FES: variants seen among roughly 807,000 people sequenced by gnomAD.
FES encodes the protein FES proto-oncogene, tyrosine kinase, also known as tyrosine-protein kinase Fes/Fps.
FES carries 83 observed loss-of-function variants against 109.6 expected under a neutral mutation model. The observed-to-expected ratio is 0.76, with a 90% CI of 0.63 to 0.91. The LOEUF is 0.91. Ranked by LOEUF, FES falls within the 40% of genes least tolerant of loss-of-function variation. The probability of loss-of-function intolerance (pLI) is 0.00; values close to 1 mark genes in which losing one functional copy is unlikely to be tolerated. For synonymous variants in FES, 458 were observed against 442.1 expected, an observed-to-expected ratio of 1.04 and a Z score of -0.45; for missense variants, 943 against 1,070.9, an observed-to-expected ratio of 0.88 and a Z score of 1.67.
chr15:90,890,635 C>T, intron 10 of FES, 151 bp downstream of exon 10: 1 of 693,590 alleles, frequency 1.4e-6, no homozygotes, highest in African/African-American at 1.8e-5. Context: ...CAGACCCTGC[C>T]CCTGTGACCC....
In FES at chr15:90,893,747, T is replaced by C. The variant is rs2033454862; in HGVS notation, c.2139T>C (p.Tyr713=). Residue 713 remains tyrosine (Y), a synonymous_variant, in exon 17 of 19, where the codon TAT becomes TAC. Coordinates refer to ENST00000328850, the MANE Select transcript of FES (RefSeq NM_002005.4). ...CCCGAGAGGAAGCCGATGGGGTCTA[T>C]GCAGCCTCAGGGGGCCTCAGACAAG... ...GMSREEADGV[Y]AASGGLRQVP... is the part of the protein sequence containing the mutation. 6.2e-7 allele frequency: 1 copy of C among 1,611,158 alleles called. No homozygotes were observed. The highest frequency in any genetic ancestry group is 2.2e-5 in the East Asian group (1 of 44,826).
intron 8 of FES, 54 bp from the exon 9 acceptor site, chr15:90,890,038 G>T: frequency 1.3e-6 from 2 of 1,580,776 alleles, no homozygotes; most frequent in Admixed American, 3.4e-5. Flanking sequence ...CTGGCTACCC[G>T]CCGCAGACCG....
chr15:90,891,383 C>T (rs1255320887), intron 11 of FES, 171 bp from the exon 12 acceptor site: 5 of 1,080,584 alleles, frequency 4.6e-6, no homozygotes, highest in Middle Eastern at 2.8e-4. Context: ...TGAGTCCTCC[C>T]CTGGTGGGGC....
At chr15:90,888,777 T>C (rs148025038) in intron 5 of FES, among the ~76,000 whole-genome samples, 1,728 of 151,176 alleles carry the variant, frequency 0.011, 39 homozygotes, top group African/African-American at 0.04. Flanking sequence ...TATTTATTTA[T>C]TTATTTATTT....
rs772157497 is a variant in FES, at chr15:90,890,242, G to C, written c.1200G>C (p.Leu400=). The C allele has an allele frequency of 3.8e-6, 6 of 1,596,876 alleles. No individual in the cohort carries two copies. In the South Asian group the frequency reaches 6.6e-5, roughly 18 times the overall value. ...GCCCCGGCGAGCCCCCGCCTGTGCT[G>C]CTCCTGCAGGATGACCGCCACTCCA... ...HLGPGEPPPV[L]LLQDDRHSTS... The change falls in exon 9 of 19, where the codon CTG becomes CTC. Residue 400 remains leucine, a synonymous_variant. Transcript: ENST00000328850.
chr15:90,895,600 A>T lies in FES; in HGVS notation c.*42A>T. ...TCAAGCTGGTGGCCTCTGCAGGCCT[A>T]GGTGCAGCTCCTCAGCGGCTCCAGC... On this transcript the variant is annotated 3_prime_UTR_variant, in exon 19 of 19. Coordinates refer to ENST00000328850, the MANE Select transcript of FES (RefSeq NM_002005.4). 6.7e-7 allele frequency: 1 copy of T among 1,490,672 alleles called. No homozygotes were observed. The allele number at this position is 1,490,672 out of a possible 1,614,324, so 92.3% of individuals were successfully genotyped here.
At chr15:90,890,808 C>T (rs772224098) in intron 10 of FES, among the ~76,000 whole-genome samples, 174 bp from the exon 11 acceptor site, 83 of 152,176 alleles carry the variant, frequency 5.5e-4, no homozygotes, top group Non-Finnish European at 9.3e-4. Flanking sequence ...CTCTGCCCAG[C>T]GTGAGCCTGG....
At chr15:90,894,511 G>A (rs551144769) in intron 18 of FES, among the ~76,000 whole-genome samples, 2 of 152,224 alleles carry the variant, frequency 1.3e-5, no homozygotes, top group Admixed American at 1.3e-4. Context: ...CTTGAACCCA[G>A]GAGGCGGAGG....
Position 90,890,979 on chromosome 15 carries a change from C to T in FES, c.1321-3C>T, listed in dbSNP as rs1213054882. The T allele has an allele frequency of 1.9e-6, 3 of 1,578,464 alleles. No homozygotes were observed. Among genetic ancestry groups the T allele is most frequent in the Non-Finnish European group, 1.7e-6 (2 of 1,162,666 alleles). On this transcript the variant is annotated splice_region_variant and splice_polypyrimidine_tract_variant and intron_variant, in intron 10 of 18. Transcript: ENST00000328850. ...GACTCCTCCTCGATCCTCCCTTGCC[C>T]AGCTCCCTCCACCGCTGCAGCTCAT... is the stretch of plus-strand genomic sequence containing the variant.
rs368397874 is a variant in FES at position 90,891,656 on chromosome 15, C to T, written c.1633C>T (p.Leu545=). The T allele has an allele frequency of 6.2e-7, 1 of 1,613,712 alleles. No individual in the cohort carries two copies. The highest frequency in any genetic ancestry group is 8.5e-7 in the Non-Finnish European group (1 of 1,179,970). ...QPLTKKSGVV[L]HRAVPKDKWV... is the part of the protein sequence containing the mutation. ...CCTCACCAAGAAGAGTGGTGTTGTC[C>T]TGCACAGGGCTGTGCCCAAGGTGAG... The change falls in exon 12 of 19, where the codon CTG becomes TTG. Residue 545 remains leucine (L), a synonymous_variant. Coordinates refer to ENST00000328850, the MANE Select transcript of FES (RefSeq NM_002005.4).
Position 90,895,553 on chromosome 15 carries a change from C to T in FES, c.2464C>T (p.Arg822Trp), listed in dbSNP as rs202150302. 3.8e-5 allele frequency: 60 copies of T among 1,577,968 alleles called. No homozygotes were observed. Among genetic ancestry groups the T allele is most frequent in the Middle Eastern group, 1.7e-4 (1 of 5,834 alleles). Reference protein sequence around the residue: ...QELQSIRKRHR With the variant: ...QELQSIRKRHW ...GCTGCAGAGCATCCGAAAGCGGCAT[C>T]GGTGAGGCTGGGACCCCCTTCTCAA... Residue 822 changes from arginine to tryptophan, a missense_variant, in exon 19 of 19, where the codon CGG becomes TGG. Transcript: ENST00000328850.
chr15:90,889,846 C>T lies in FES; in HGVS notation c.933C>T (p.Thr311=), dbSNP rs2521503. The T allele has an allele frequency of 2.7e-4, 437 of 1,613,618 alleles. 3 individuals are homozygous for T. The African/African-American group carries it at 4.7e-3, about 17-fold the overall frequency. The change falls in exon 8 of 19, where the codon ACC becomes ACT. Residue 311 remains threonine (T), a synonymous_variant. Transcript: ENST00000328850. The surrounding 1 kb of genome is among the most constrained non-coding windows in gnomAD (Gnocchi z 6.1). The part of the protein sequence containing the change: ...LTVESVQHTL[T]SVTDELAVAT... The stretch of plus-strand genomic sequence containing the variant: ...GCCCTTCTCTTGGGTGCAGGCTGAC[C>T]TCAGTGACAGATGAGCTGGCTGTGG...
intron 4 of FES, 55 bp downstream of exon 4, chr15:90,887,112 C>T: frequency 6.2e-7 from 1 of 1,612,958 alleles, no homozygotes; most frequent in South Asian, 1.1e-5. Context: ...GCTGACCTGT[C>T]CTTGGGTACC....
rs1390651413 is a variant in FES, at chr15:90,892,787, C to G, written c.1788C>G (p.Leu596=). The G allele has an allele frequency of 2.5e-6, 4 of 1,613,710 alleles. No individual in the cohort carries two copies. Among genetic ancestry groups the G allele is most frequent in the Non-Finnish European group, 3.4e-6 (4 of 1,179,946 alleles). ...CGGTGAAGTCTTGTCGAGAGACGCT[C>G]CCACCTGACCTCAAGGCCAAGTTTC... ...LVAVKSCRET[L]PPDLKAKFLQ... Residue 596 remains leucine (L), a synonymous_variant, in exon 14 of 19, where the codon CTC becomes CTG. Transcript: ENST00000328850.
At position 90,885,258 on chromosome 15, in the gene FES, G is replaced by A; in HGVS notation, c.213G>A (p.Gln71=). 1.2e-6 allele frequency: 2 copies of A among 1,611,784 alleles called. No homozygotes were observed. The highest frequency in any genetic ancestry group is 2.2e-5 in the East Asian group (1 of 44,858). Residue 71 remains glutamine (Q), a splice_region_variant and synonymous_variant, in exon 2 of 19, where the codon CAG becomes CAA. Coordinates refer to ENST00000328850, the MANE Select transcript of FES (RefSeq NM_002005.4). ...RAISPDSPIS[Q]SWAEITSQTE... ...TCAGCCCTGACAGCCCCATCAGTCA[G>A]GTGGGTCTCTATGGGACTCTGGTGG...
chr15:90,891,464 C>T (rs984397963), intron 11 of FES, 90 bp from the exon 12 acceptor site: 3 of 1,572,036 alleles, frequency 1.9e-6, no homozygotes, highest in Non-Finnish European at 2.6e-6. Flanking sequence ...TGGGCAGGCC[C>T]TTTCTCCCCT....
rs1317154793 is a variant in FES, at chr15:90,890,457, C to T, written c.1293C>T (p.Ile431=). The change falls in exon 10 of 19, where the codon ATC becomes ATT. Residue 431 remains isoleucine, a synonymous_variant. Transcript: ENST00000328850. ...TPTLEILKSH[I]SGIFRPKFSL... ...CGCTGGAGATCCTTAAGAGCCACAT[C>T]TCAGGAATCTTCCGCCCCAAGTTCT... 1.9e-6 allele frequency: 3 copies of T among 1,613,176 alleles called. No homozygotes were observed. Among genetic ancestry groups the T allele is most frequent in the Non-Finnish European group, 2.5e-6 (3 of 1,179,892 alleles).
chr15:90,887,378 C>T lies in FES; in HGVS notation c.668+8C>T, dbSNP rs746544835. On this transcript the variant is annotated splice_region_variant and intron_variant, in intron 5 of 18. Transcript: ENST00000328850. ...GGAGATGGCTTGCATCCTGTAAGCCCGCAGCCCCGTCCCCTGGCCCCCACC... is the reference window on the plus strand; with the variant it reads ...GGAGATGGCTTGCATCCTGTAAGCCTGCAGCCCCGTCCCCTGGCCCCCACC... 2.9e-5 allele frequency: 47 copies of T among 1,602,890 alleles called. No individual in the cohort carries two copies. Among genetic ancestry groups the T allele is most frequent in the East Asian group, 1.6e-4 (7 of 44,692 alleles).
At position 90,893,672 on chromosome 15, in the gene FES, C is replaced by T; in HGVS notation, c.2064C>T (p.Asn688=). Residue 688 remains asparagine, a synonymous_variant, in exon 17 of 19, where the codon AAC becomes AAT. Transcript: ENST00000328850. ...CCIHRDLAAR[N]CLVTEKNVLK... ...CACCCAGGGACCTGGCTGCTCGGAA[C>T]TGCCTGGTGACAGAGAAGAATGTCC... 1 of 1,599,804 alleles carries T rather than the reference C, an allele frequency of 6.3e-7. No homozygotes were observed. Among genetic ancestry groups the T allele is most frequent in the African/African-American group, 1.3e-5 (1 of 74,478 alleles).
Sources: allele counts gnomAD v4.1 joint callset (sites outside exome capture counted in the v4.1 genomes callset), GRCh38; gene constraint gnomAD v4.1.1; non-coding constraint Gnocchi (gnomAD v3.1); transcripts MANE v1.5; gene names NCBI Gene and HGNC (gene_info 2026-07-23, HGNC 2026-07-21).